KLF12: variants seen among roughly 807,000 people sequenced by gnomAD.
KLF12 encodes the protein KLF transcription factor 12.
Under a neutral mutation model 37.8 loss-of-function variants are expected in KLF12, and 9 were observed. The ratio of observed to expected loss-of-function variants is 0.24; its 90% CI spans 0.14 to 0.42. The LOEUF is 0.42. Ranked by LOEUF, KLF12 falls within the 10% of genes least tolerant of loss-of-function variation. KLF12 has a pLI of 1.00. For synonymous variants in KLF12, 208 were observed against 202.1 expected (o/e 1.03, Z -0.25); for missense variants, 411 against 516.0 (o/e 0.80, Z 1.97).
chr13:74,038,225 GT>G (rs1286858238), intron 1 of KLF12, among the ~76,000 whole-genome samples: 1 of 152,222 alleles, frequency 6.6e-6, no homozygotes. Flanking sequence ...AATCTCCTGT[GT>G]CTGAGGAATG....
the KLF12 span, among the ~76,000 whole-genome samples, chr13:74,179,241 T>G: frequency 1.3e-5 from 2 of 152,240 alleles, no homozygotes; most frequent in African/African-American, 4.8e-5. Context: ...AAAGCCCATT[T>G]GGACAGGAGC....
intron 2 of KLF12, among the ~76,000 whole-genome samples, chr13:73,973,034 T>C (rs1008704267): frequency 6.6e-6 from 1 of 152,114 alleles, no homozygotes; most frequent in African/African-American, 2.4e-5. Flanking sequence ...TAGTAAGTTG[T>C]TTCTATATTG....
chr13:74,024,966 A>G (rs979349300), intron 1 of KLF12, among the ~76,000 whole-genome samples: 2 of 152,156 alleles, frequency 1.3e-5, no homozygotes. Flanking sequence ...AAATAAGCCA[A>G]TGGAATCTCC....
intron 5 of KLF12, among the ~76,000 whole-genome samples, chr13:73,807,945 T>C (rs1179143284): frequency 6.6e-6 from 1 of 152,146 alleles, no homozygotes; most frequent in Non-Finnish European, 1.5e-5. Context: ...CTTGCATTAA[T>C]AAATGAGCAT....
chr13:73,686,722 A>T lies in KLF12; in HGVS notation c.*8768T>A, dbSNP rs1430193817. ...ACCCAAGAGTGTTTTGTAAAATTAC[A>T]TCCATAAAGCAAATCAGATGCAGCC... On this transcript the variant is annotated 3_prime_UTR_variant, in exon 8 of 8. Coordinates refer to ENST00000377669, the MANE Select transcript of KLF12 (RefSeq NM_007249.5). 6.6e-6 allele frequency: 1 copy of T among 152,206 alleles called. No homozygotes were observed. The highest frequency in any genetic ancestry group is 1.5e-5 in the Non-Finnish European group (1 of 68,034). The allele number at this position is 152,206 out of a possible 1,614,324, so 9.4% of individuals were successfully genotyped here.
At chr13:74,135,252 G>C (rs1434720619), upstream of KLF12, among the ~76,000 whole-genome samples, 1 of 152,008 alleles carries the variant, frequency 6.6e-6, no homozygotes, top group Non-Finnish European at 1.5e-5. Flanking sequence ...CGCCAGTTCT[G>C]TGGGAAAGCA....
At chr13:74,172,817 G>A in the KLF12 span, among the ~76,000 whole-genome samples, 2 of 152,174 alleles carry the variant, frequency 1.3e-5, no homozygotes, top group African/African-American at 2.4e-5. Context: ...CTGCCCAAAT[G>A]GAGGAAGCAG....
At chr13:74,141,904 TC>T in the KLF12 span, among the ~76,000 whole-genome samples, 3 of 152,108 alleles carry the variant, frequency 2.0e-5, no homozygotes, top group African/African-American at 7.2e-5. Flanking sequence ...AATGTTTTAG[TC>T]CTAATCAGTC....
intron 3 of KLF12, among the ~76,000 whole-genome samples, chr13:73,864,713 A>G (rs1454886682): frequency 6.6e-6 from 1 of 152,154 alleles, no homozygotes; most frequent in Non-Finnish European, 1.5e-5. Context: ...GTTCAACAGA[A>G]ACATCAATCA....
chr13:73,737,953 A>C (rs1462073972), intron 6 of KLF12, among the ~76,000 whole-genome samples: 1 of 151,526 alleles, frequency 6.6e-6, no homozygotes, highest in Non-Finnish European at 1.5e-5. Context: ...ACATTCTGGC[A>C]GATGTGAGAA....
At chr13:73,809,592 A>AT (rs76350624) in intron 5 of KLF12, among the ~76,000 whole-genome samples, 50,875 of 151,536 alleles carry the variant, frequency 0.34, 8,919 homozygotes, top group East Asian at 0.64. Flanking sequence ...TATGTATAGA[A>AT]TTTTAAAAAT....
chr13:74,066,859 G>T (rs1329912882), intron 1 of KLF12, among the ~76,000 whole-genome samples: 2 of 152,006 alleles, frequency 1.3e-5, no homozygotes, highest in Admixed American at 1.3e-4. Flanking sequence ...CTTAAAAATG[G>T]GGCATTATTC....
chr13:73,754,027 ACT>A (rs1168045436), intron 6 of KLF12, among the ~76,000 whole-genome samples: 2 of 152,072 alleles, frequency 1.3e-5, no homozygotes, highest in Non-Finnish European at 2.9e-5. Context: ...AGACATGGAA[ACT>A]CACACACATA....
At chr13:73,695,736 T>C (rs2137543519) in intron 7 of KLF12, 65 bp from the exon 8 acceptor site, 1 of 1,464,960 alleles carries the variant, frequency 6.8e-7, no homozygotes, top group Non-Finnish European at 9.4e-7. Context: ...ACCAGGCCAG[T>C]ACTCTATTTT....
At chr13:73,753,427 C>T (rs1566343652) in intron 6 of KLF12, among the ~76,000 whole-genome samples, 1 of 152,166 alleles carries the variant, frequency 6.6e-6, no homozygotes, top group Admixed American at 6.5e-5. Context: ...GCTTTCTAGT[C>T]ATCTCCAATC....
At chr13:73,963,355 C>CAT (rs1325382084) in intron 2 of KLF12, among the ~76,000 whole-genome samples, 7 of 151,260 alleles carry the variant, frequency 4.6e-5, no homozygotes, top group Admixed American at 4.0e-4. Context: ...TCAGTATACA[C>CAT]ACACACACAC....
At chr13:73,786,042 G>C (rs575223081) in intron 5 of KLF12, among the ~76,000 whole-genome samples, 1 of 151,928 alleles carries the variant, frequency 6.6e-6, no homozygotes, top group South Asian at 2.1e-4. Context: ...GCAAGACAGA[G>C]GTGAGCAGTG....
chr13:73,798,134 A>T (rs1363086975), intron 5 of KLF12, among the ~76,000 whole-genome samples: 1 of 152,202 alleles, frequency 6.6e-6, no homozygotes, highest in Non-Finnish European at 1.5e-5. Flanking sequence ...TTACCAAAGA[A>T]ATTATTTTTG....
chr13:73,943,554 CA>C (rs1267178523), intron 3 of KLF12, among the ~76,000 whole-genome samples: 1 of 152,180 alleles, frequency 6.6e-6, no homozygotes, highest in Non-Finnish European at 1.5e-5. Flanking sequence ...GTACAAATGT[CA>C]AAAGAGAAAC....
Sources: allele counts gnomAD v4.1 joint callset (sites outside exome capture counted in the v4.1 genomes callset), GRCh38; gene constraint gnomAD v4.1.1; transcripts MANE v1.5; gene names NCBI Gene and HGNC (gene_info 2026-07-23, HGNC 2026-07-21).